GUK1: variants seen among roughly 807,000 people sequenced by gnomAD.
The protein encoded by GUK1 is guanylate kinase 1.
GUK1 carries 18 observed loss-of-function variants against 25.2 expected under a neutral mutation model. That is an observed-to-expected ratio of 0.71 (90% CI 0.49 to 1.06). The LOEUF (loss-of-function observed/expected upper bound fraction) is 1.06. Ranked by LOEUF, GUK1 falls within the 50% of genes least tolerant of loss-of-function variation. The probability of loss-of-function intolerance (pLI) is 0.00; values close to 1 mark genes in which losing one functional copy is unlikely to be tolerated. For synonymous variants in GUK1, 105 were observed against 117.6 expected, an observed-to-expected ratio of 0.89 and a Z score of 0.69; for missense variants, 261 against 276.7, an observed-to-expected ratio of 0.94 and a Z score of 0.40.
chr1:228,142,140 CCAG>C (rs1407947740), intron 2 of GUK1, among the ~76,000 whole-genome samples: 1 of 8,994 alleles, frequency 1.1e-4, no homozygotes, highest in Non-Finnish European at 5.5e-3. Flanking sequence ...CGCCCTGTCT[CCAG>C]CGGTGGTGGT....
At chr1:228,146,187 T>A in intron 4 of GUK1, 120 bp downstream of exon 3, 1 of 693,626 alleles carries the variant, frequency 1.4e-6, no homozygotes, top group Non-Finnish European at 2.6e-6. Flanking sequence ...ATCTGTGAGA[T>A]GGGTCCTTGC....
chr1:228,140,221 T>G, upstream of GUK1: 1 of 1,173,338 alleles, frequency 8.5e-7, no homozygotes, highest in Non-Finnish European at 1.2e-6. Flanking sequence ...AGTCGCCTCA[T>G]GACGTCAGTC....
chr1:228,148,008 G>A, intron 7 of GUK1: 2 of 579,882 alleles, frequency 3.4e-6, no homozygotes, highest in South Asian at 2.2e-5. Context: ...AGCCCCGGGG[G>A]TGTCATGTGC....
At position 228,147,575 on chromosome 1, in the gene GUK1, G is replaced by A. The variant is rs528041687; in HGVS notation, c.390+31G>A. ...TGCTGGGCAGGGTTGGGGGCTGGGGGCCAGGGCATGCCAGGCTCTGATTGC... is the reference window on the plus strand; with the variant it reads ...TGCTGGGCAGGGTTGGGGGCTGGGGACCAGGGCATGCCAGGCTCTGATTGC... On this transcript the variant is annotated intron_variant, in intron 6 of 8. Transcript: ENST00000312726. 9.1e-5 allele frequency: 147 copies of A among 1,612,898 alleles called. 1 individual carries two copies. In the South Asian group the frequency reaches 1.4e-3, roughly 16 times the overall value.
chr1:228,147,814 A>G, intron 7 of GUK1, 115 bp downstream of exon 6: 1 of 841,688 alleles, frequency 1.2e-6, no homozygotes, highest in African/African-American at 1.7e-5. Flanking sequence ...AGTCCCTGTG[A>G]GGGTCCTCAG....
chr1:228,146,431 G>C (rs1162098836), intron 4 of GUK1: 1 of 439,072 alleles, frequency 2.3e-6, no homozygotes, highest in East Asian at 3.8e-5. Context: ...TTCAAGACAA[G>C]GGACCCCCTT....
intron 2 of GUK1, among the ~76,000 whole-genome samples, chr1:228,142,465 CACCTCAATAGCTT>C (rs1249570482): frequency 1.3e-5 from 2 of 152,018 alleles, no homozygotes; most frequent in Non-Finnish European, 2.9e-5. Context: ...GGCCCAGCCT[CACCTCAATAGCTT>C]ACTGCTCCCT....
rs72756242 is a variant in GUK1, at chr1:228,148,724, G to A, written c.*27G>A. 1,794 of 1,609,532 alleles carry A rather than the reference G, an allele frequency of 1.1e-3. 17 individuals carry two copies. Among genetic ancestry groups the A allele is most frequent in the South Asian group, 8.9e-3 (813 of 91,078 alleles). On this transcript the variant is annotated 3_prime_UTR_variant, in exon 9 of 9. Coordinates refer to ENST00000312726, the MANE Select transcript of GUK1 (RefSeq NM_000858.7). The stretch of plus-strand genomic sequence containing the variant: ...GCTTGCTGTCTGTTCTCGGCACCCC[G>A]GGCCCATACAGGACCAGGGCAGCAG...
chr1:228,141,431 C>T, intron 2 of GUK1: 1 of 326,860 alleles, frequency 3.1e-6, no homozygotes, highest in Non-Finnish European at 4.4e-6. Flanking sequence ...AACCCTGCAG[C>T]CAAGAGCAGC....
At chr1:228,147,115 GGCTGCTGGGCCCGGTCCTGC>G (rs530502419) in intron 5 of GUK1, among the ~76,000 whole-genome samples, 177 bp downstream of exon 4, 1 of 152,366 alleles carries the variant, frequency 6.6e-6, no homozygotes, top group African/African-American at 2.4e-5. Context: ...CTTTTCATGA[GGCTGCTGGGCCCGGTCCTGC>G]CACCGTGCAT....
intron 2 of GUK1, among the ~76,000 whole-genome samples, chr1:228,143,944 C>T (rs962241206): frequency 6.6e-6 from 1 of 152,108 alleles, no homozygotes; most frequent in African/African-American, 2.4e-5. Flanking sequence ...TCCTGCAGTT[C>T]CCTTCCTCTT....
At chr1:228,141,532 C>A in intron 2 of GUK1, 1 of 651,706 alleles carries the variant, frequency 1.5e-6, no homozygotes, top group Non-Finnish European at 2.0e-6. Context: ...AGAGGCCAGG[C>A]GGGGGCTGAA....
chr1:228,146,888 C>T lies in GUK1; in HGVS notation c.201C>T (p.Ala67=), dbSNP rs141834883. 19 of 1,613,768 alleles carry T rather than the reference C, an allele frequency of 1.2e-5. No homozygotes were observed. Among genetic ancestry groups the T allele is most frequent in the South Asian group, 6.6e-5 (6 of 91,084 alleles). The stretch of plus-strand genomic sequence containing the variant: ...AGGTGATGCAGCGTGACATAGCAGC[C>T]GGCGACTTCATCGAGCATGCCGAGT... Residue 67 remains alanine, a synonymous_variant, in exon 5 of 9, where the codon GCC becomes GCT. Coordinates refer to ENST00000312726, the MANE Select transcript of GUK1 (RefSeq NM_000858.7).
intron 3 of GUK1, 65 bp downstream of exon 2, chr1:228,145,689 T>A: frequency 6.4e-7 from 1 of 1,557,392 alleles, no homozygotes; most frequent in Non-Finnish European, 8.7e-7. Context: ...CCTAGCACCG[T>A]GAGCAGGCCA....
chr1:228,141,600 G>A, intron 2 of GUK1: 20 of 1,074,648 alleles, frequency 1.9e-5, no homozygotes, highest in Non-Finnish European at 2.3e-5. Flanking sequence ...ACAGTGGGCC[G>A]GGGGCAAGGT....
chr1:228,143,815 G>A (rs1408699180), intron 2 of GUK1, among the ~76,000 whole-genome samples: 1 of 152,192 alleles, frequency 6.6e-6, no homozygotes, highest in Non-Finnish European at 1.5e-5. Context: ...AGAGCCAGGA[G>A]GGCATGGGGT....
intron 5 of GUK1, 76 bp from the exon 5 acceptor site, chr1:228,147,330 G>A: frequency 7.1e-7 from 1 of 1,412,712 alleles, no homozygotes; most frequent in Non-Finnish European, 9.7e-7. Flanking sequence ...GGGCCCGGGA[G>A]GGCCTGGGTG....
intron 5 of GUK1, 56 bp from the exon 5 acceptor site, chr1:228,147,350 C>T (rs2034438486): frequency 6.4e-7 from 1 of 1,552,608 alleles, no homozygotes; most frequent in Non-Finnish European, 8.8e-7. Context: ...GTCCCTGAAG[C>T]TCCTGTAGGC....
At chr1:228,142,204 C>G (rs2034101282) in intron 2 of GUK1, among the ~76,000 whole-genome samples, 1 of 152,246 alleles carries the variant, frequency 6.6e-6, no homozygotes, top group African/African-American at 2.4e-5. Context: ...GCCCTCTGCA[C>G]TCTCTGGCTG....
Sources: allele counts gnomAD v4.1 joint callset (sites outside exome capture counted in the v4.1 genomes callset), GRCh38; gene constraint gnomAD v4.1.1; transcripts MANE v1.5; gene names NCBI Gene and HGNC (gene_info 2026-07-23, HGNC 2026-07-21).